Variants in TESC observed in about 807,000 individuals in gnomAD.
The protein encoded by TESC is tescalcin.
A neutral mutation model predicts 31.0 loss-of-function variants in TESC; 19 were observed. That is an observed-to-expected ratio of 0.61 (90% CI 0.43 to 0.90). TESC has a LOEUF of 0.90. Among genes scored for constraint, TESC ranks in the 40% least tolerant of loss-of-function variants. The pLI, the probability that TESC is intolerant of heterozygous loss-of-function variation, is 0.00. For missense variants in TESC, 248 were observed against 303.8 expected (o/e 0.82, Z 1.36); for synonymous variants, 109 against 114.8 (o/e 0.95, Z 0.32).
At chr12:117,046,473 G>A in intron 6 of TESC, 86 bp downstream of exon 6, 3 of 1,309,034 alleles carry the variant, frequency 2.3e-6, no homozygotes, top group Non-Finnish European at 2.1e-6. Flanking sequence ...AATACACCTG[G>A]CCCCTGCCCC....
intron 1 of TESC, among the ~76,000 whole-genome samples, chr12:117,085,333 G>A (rs1482185476): frequency 1.3e-5 from 2 of 152,184 alleles, no homozygotes; most frequent in Non-Finnish European, 2.9e-5. Context: ...GCCAGGGAAC[G>A]AGATCTGAAG....
At chr12:117,087,040 C>T (rs1046055391) in intron 1 of TESC, among the ~76,000 whole-genome samples, 1 of 152,204 alleles carries the variant, frequency 6.6e-6, no homozygotes, top group Non-Finnish European at 1.5e-5. Flanking sequence ...GGGGCCACTC[C>T]ACAGGGGACT....
chr12:117,099,255 C>T lies in TESC; in HGVS notation c.28G>A (p.Glu10Lys), dbSNP rs1350794264. Residue 10 changes from glutamate to lysine, a missense_variant, in exon 1 of 8, where the codon GAG becomes AAG. Physicochemically the swap from Glu to Lys is moderately conservative, Grantham distance 56 (BLOSUM62 1). Transcript: ENST00000335209. MGAAHSASEEVRELEGKTGF... is the reference protein window; with the variant it reads MGAAHSASEKVRELEGKTGF... The stretch of plus-strand genomic sequence containing the variant: ...GTCTTGCCCTCGAGCTCCCGCACCT[C>T]CTCAGACGCGGAGTGGGCAGCGCCC... 1 of 1,471,822 alleles carries T rather than the reference C, an allele frequency of 6.8e-7. No individual in the cohort carries two copies. The allele number at this position is 1,471,822 out of a possible 1,614,324, so 91.2% of individuals were successfully genotyped here.
At chr12:117,044,385 A>G (rs1954526514) in intron 6 of TESC, among the ~76,000 whole-genome samples, 1 of 152,168 alleles carries the variant, frequency 6.6e-6, no homozygotes, top group South Asian at 2.1e-4. Context: ...TCACGGGCAC[A>G]GTGGCTGCCC....
At chr12:117,053,060 T>A (rs76347282) in intron 3 of TESC, among the ~76,000 whole-genome samples, 1,701 of 152,174 alleles carry the variant, frequency 0.011, 28 homozygotes, top group African/African-American at 0.038. Flanking sequence ...CTCCTCAGGG[T>A]CCCCACAGGC....
rs148886866 is a variant in TESC at position 117,041,339 on chromosome 12, C to CT, written c.567+607dup. Among the ~76,000 whole-genome samples the CT allele has an allele frequency of 2.4e-3, 350 of 146,872 alleles. 10 individuals carry two copies. In the East Asian group the frequency reaches 0.045, roughly 19 times the overall value. On this transcript the variant is annotated intron_variant, in intron 7 of 7. Transcript: ENST00000335209. ...ATCCCTGTTCCAACTACAACAGGGCCTTTTTTTTTTTGAGATGGGGTCTCA... is the reference window on the plus strand; with the variant it reads ...ATCCCTGTTCCAACTACAACAGGGCCTTTTTTTTTTTTGAGATGGGGTCTCA...
At position 117,064,215 on chromosome 12, in the gene TESC, C is replaced by T. The variant is rs181730842; in HGVS notation, c.129-7329G>A. Among the ~76,000 whole-genome samples the T allele has an allele frequency of 5.0e-3, 759 of 152,330 alleles. 8 individuals are homozygous for T. The highest frequency in any genetic ancestry group is 0.018 in the African/African-American group (730 of 41,560). On this transcript the variant is annotated intron_variant, in intron 2 of 7. Transcript: ENST00000335209. ...TACAGAACCTGCATTTTAACGCAGT[C>T]CCCAGGGCATTCACGTACACATGAA...
intron 2 of TESC, among the ~76,000 whole-genome samples, chr12:117,063,835 A>G (rs1039212016): frequency 6.6e-6 from 1 of 152,204 alleles, no homozygotes; most frequent in South Asian, 2.1e-4. Flanking sequence ...CAGAGACTGC[A>G]TGTCACTCAG....
chr12:117,081,253 CA>C (rs977254995), intron 1 of TESC, among the ~76,000 whole-genome samples: 4 of 151,938 alleles, frequency 2.6e-5, no homozygotes, highest in African/African-American at 9.7e-5. Context: ...AGACTAAGTA[CA>C]AAAAAGAACA....
rs144615104 is a variant in TESC at position 117,049,982 on chromosome 12, C to T, written c.210-824G>A. On this transcript the variant is annotated intron_variant, in intron 3 of 7. Transcript: ENST00000335209. The stretch of plus-strand genomic sequence containing the variant: ...ATCTTAATTTTGTCAGAGTCAGGGT[C>T]TCACTCCATTGCCCAGGCTGGAGTT... 4.9e-4 allele frequency among the ~76,000 whole-genome samples: 74 copies of T among 151,368 alleles called. No individual in the cohort carries two copies. In the East Asian group the frequency reaches 0.014, roughly 28 times the overall value.
In TESC at chr12:117,046,652, C is replaced by T. The variant is rs758951513; in HGVS notation, c.426G>A (p.Leu142=). The change falls in exon 6 of 8, where the codon CTG becomes CTA. Residue 142 remains leucine, a synonymous_variant. Coordinates refer to ENST00000335209, the MANE Select transcript of TESC (RefSeq NM_017899.4). The part of the protein sequence containing the change: ...LEEYRNVVEE[L]LSGNPHIEKE... ...TCTCGATGTGAGGGTTTCCCGACAG[C>T]AGCTCCTCGACCACCTGCCAGGTGG... The T allele has an allele frequency of 2.5e-5, 39 of 1,551,986 alleles. No individual in the cohort carries two copies. The Admixed American group carries it at 3.3e-4, about 13-fold the overall frequency.
At chr12:117,068,580 G>C (rs764624546) in intron 2 of TESC, among the ~76,000 whole-genome samples, 1 of 152,162 alleles carries the variant, frequency 6.6e-6, no homozygotes, top group African/African-American at 2.4e-5. Context: ...AGGACCTGGA[G>C]TTAGGACATT....
At chr12:117,049,593 A>G (rs1227844200) in intron 3 of TESC, among the ~76,000 whole-genome samples, 1 of 152,174 alleles carries the variant, frequency 6.6e-6, no homozygotes, top group Non-Finnish European at 1.5e-5. Context: ...ATTTTCATAC[A>G]GCCCCTGAAC....
chr12:117,083,375 A>G (rs10744890), intron 1 of TESC, among the ~76,000 whole-genome samples: 80,614 of 152,064 alleles, frequency 0.53, 22,875 homozygotes, highest in African/African-American at 0.74. Context: ...CACTGCGCCC[A>G]GCCAACAATT....
intron 1 of TESC, among the ~76,000 whole-genome samples, chr12:117,075,865 A>C (rs1310977346): frequency 2.3e-5 from 1 of 43,836 alleles, no homozygotes; most frequent in Admixed American, 3.0e-4. Context: ...ATATATATAT[A>C]TATATGTGTG....
intron 1 of TESC, among the ~76,000 whole-genome samples, chr12:117,075,946 TATAC>T (rs1395098261): frequency 3.4e-4 from 39 of 115,080 alleles, no homozygotes; most frequent in Non-Finnish European, 5.5e-4. Flanking sequence ...TATATGTATA[TATAC>T]ATATATATAT....
At chr12:117,044,581 G>A (rs1954529856) in intron 6 of TESC, among the ~76,000 whole-genome samples, 2 of 152,210 alleles carry the variant, frequency 1.3e-5, no homozygotes, top group South Asian at 2.1e-4. Context: ...ATCCATGGGT[G>A]TGACCTCCTG....
At position 117,046,782 on chromosome 12, in the gene TESC, G is replaced by T. The variant is rs867356353; in HGVS notation, c.406C>A (p.Arg136=). 3.8e-6 allele frequency: 6 copies of T among 1,564,430 alleles called. No homozygotes were observed. The East Asian group carries it at 9.4e-5, about 25-fold the overall frequency. The change falls in exon 5 of 8, where the codon CGA becomes AGA. Residue 136 remains arginine (R), a synonymous_variant. Coordinates refer to ENST00000335209, the MANE Select transcript of TESC (RefSeq NM_017899.4). ...GCCAGAGGAGCATACTTTACATTTC[G>T]ATATTCTTCCAGAGTGATGCGGCCG... ...SDGRITLEEY[R]NVVEELLSGN... is the part of the protein sequence containing the mutation.
At chr12:117,070,605 T>C (rs1434851511) in intron 2 of TESC, among the ~76,000 whole-genome samples, 1 of 152,180 alleles carries the variant, frequency 6.6e-6, no homozygotes, top group East Asian at 1.9e-4. Context: ...CCTGGCTTCC[T>C]ACAGCAGGAT....
Sources: gnomAD v4.1 joint callset for allele counts (sites outside exome capture counted in the v4.1 genomes callset) on GRCh38, gnomAD v4.1.1 for gene constraint, MANE v1.5 for transcripts, NCBI Gene and HGNC (gene_info 2026-07-23, HGNC 2026-07-21) for gene names.